MAPK10: variants seen among roughly 807,000 people sequenced by gnomAD.
The protein encoded by MAPK10 is JNK3 alpha protein kinase.
MAPK10 carries 25 observed loss-of-function variants against 59.3 expected under a neutral mutation model. The observed-to-expected ratio is 0.42, with a 90% CI of 0.31 to 0.59. The LOEUF is 0.59. Ranked by LOEUF, MAPK10 falls within the 20% of genes least tolerant of loss-of-function variation. The pLI, the probability that MAPK10 is intolerant of heterozygous loss-of-function variation, is 0.15. For missense variants in MAPK10, 351 were observed against 568.9 expected (o/e 0.62, Z 3.90); for synonymous variants, 190 against 200.5 (o/e 0.95, Z 0.44).
intron 12 of MAPK10, among the ~76,000 whole-genome samples, chr4:86,030,340 A>G (rs1165855893): frequency 6.6e-6 from 1 of 151,922 alleles, no homozygotes; most frequent in Non-Finnish European, 1.5e-5. Flanking sequence ...TTACATATAT[A>G]TATAGAGAGA....
At chr4:86,292,926 C>G (rs952297457) in intron 2 of MAPK10, among the ~76,000 whole-genome samples, 7 of 152,150 alleles carry the variant, frequency 4.6e-5, no homozygotes, top group Admixed American at 1.3e-4. Flanking sequence ...AGGCTACACC[C>G]CTCCTCTTAT....
At chr4:86,391,341 C>CA (rs1350735306) in intron 1 of MAPK10, among the ~76,000 whole-genome samples, 1 of 152,156 alleles carries the variant, frequency 6.6e-6, no homozygotes, top group Non-Finnish European at 1.5e-5. Context: ...CAAATGGAAA[C>CA]AAAATCCTTT....
intron 1 of MAPK10, among the ~76,000 whole-genome samples, chr4:86,396,494 ATTTTC>A (rs1462616543): frequency 2.0e-5 from 3 of 152,194 alleles, no homozygotes; most frequent in Non-Finnish European, 1.5e-5. Context: ...TACACTCTGT[ATTTTC>A]AGAACTTAGT....
At chr4:86,150,417 C>T in intron 4 of MAPK10, among the ~76,000 whole-genome samples, 1 of 152,020 alleles carries the variant, frequency 6.6e-6, no homozygotes, top group Admixed American at 6.5e-5. Context: ...ATCCATATAA[C>T]AAAAAAATCT....
chr4:86,058,292 G>C (rs1332022012), intron 11 of MAPK10, among the ~76,000 whole-genome samples: 1 of 149,594 alleles, frequency 6.7e-6, no homozygotes, highest in South Asian at 2.1e-4. Context: ...AATAAGGAAA[G>C]AATGACCTGG....
intron 1 of MAPK10, among the ~76,000 whole-genome samples, chr4:86,399,014 G>A (rs779816638): frequency 1.8e-4 from 28 of 152,126 alleles, no homozygotes; most frequent in Non-Finnish European, 3.8e-4. Context: ...CCGATGCTGG[G>A]CACCTGGGTT....
chr4:86,324,708 A>T (rs1441862353), intron 2 of MAPK10, among the ~76,000 whole-genome samples: 1 of 152,152 alleles, frequency 6.6e-6, no homozygotes, highest in East Asian at 1.9e-4. Flanking sequence ...CCATCGAATA[A>T]ATTCTATCAT....
rs532156536 is a variant in MAPK10 at position 86,292,582 on chromosome 4, C to T, written c.-7+61948G>A. On this transcript the variant is annotated intron_variant, in intron 2 of 13. Transcript: ENST00000641462. ...AAATAAAAATAAAAAATTAACTGGG[C>T]GTGATGGTGTCTGCCTGTAGTCCTA... Among the ~76,000 whole-genome samples, 566 of 152,076 alleles carry T rather than the reference C, an allele frequency of 3.7e-3. 3 individuals carry two copies. The highest frequency in any genetic ancestry group is 6.8e-3 in the Middle Eastern group (2 of 294).
intron 9 of MAPK10, among the ~76,000 whole-genome samples, chr4:86,072,320 C>T (rs2048210707): frequency 6.6e-6 from 1 of 152,230 alleles, no homozygotes; most frequent in Non-Finnish European, 1.5e-5. Flanking sequence ...TCTAGATATA[C>T]AATCATGTCG....
In MAPK10 at chr4:86,508,648, G is replaced by C. The variant is rs115213632; in HGVS notation, c.-263+85262C>G. On this transcript the variant is annotated intron_variant, in intron 1 of 4. Coordinates refer to the MAPK10 transcript ENST00000502302. ...CATTTTGGTTAGGTTATGTGTGTCT[G>C]TAAATGATTTGGCTCTTTTTCCCTT... is the stretch of plus-strand genomic sequence containing the variant. Among the ~76,000 whole-genome samples, 777 of 152,284 alleles carry C rather than the reference G, an allele frequency of 5.1e-3. 2 individuals are homozygous for C. The highest frequency in any genetic ancestry group is 0.029 in the South Asian group (142 of 4,824).
Position 86,011,765 on chromosome 4 carries a change from T to C in MAPK10, c.*5463A>G, listed in dbSNP as rs897169063. 1 of 152,186 alleles carries C rather than the reference T, an allele frequency of 6.6e-6. No homozygotes were observed. Among genetic ancestry groups the C allele is most frequent in the African/African-American group, 2.4e-5 (1 of 41,448 alleles). 9.4% of individuals were successfully genotyped at this position (152,186 alleles called of 1,614,324 possible). ...TTTCTATATTCCAACAGGAACTAGG[T>C]AAAACGATAAATGTGATAACTCAAA... On this transcript the variant is annotated 3_prime_UTR_variant, in exon 14 of 14. Transcript: ENST00000641462.
At chr4:86,329,543 G>A (rs1001967671) in intron 2 of MAPK10, among the ~76,000 whole-genome samples, 5 of 152,194 alleles carry the variant, frequency 3.3e-5, no homozygotes, top group Admixed American at 3.3e-4. Context: ...TTTATTATGG[G>A]CAAGGGCAAG....
At chr4:86,437,326 T>C (rs1748882816) in intron 1 of MAPK10, among the ~76,000 whole-genome samples, 1 of 152,160 alleles carries the variant, frequency 6.6e-6, no homozygotes, top group African/African-American at 2.4e-5. Flanking sequence ...TAAATCTTGA[T>C]GGGATATTAT....
In MAPK10 at chr4:86,514,374, A is replaced by T. The variant is rs144774436; in HGVS notation, c.-263+79536T>A. Among the ~76,000 whole-genome samples the T allele has an allele frequency of 4.1e-3, 624 of 152,294 alleles. 5 individuals carry two copies. Among genetic ancestry groups the T allele is most frequent in the African/African-American group, 0.014 (591 of 41,558 alleles). ...TAGCCAAAACTAATTATCACAAAAC[A>T]ATTATACAATTGTCATTTTTCCTTT... On this transcript the variant is annotated intron_variant, in intron 1 of 4. Transcript: ENST00000502302.
rs72865394 is a variant in MAPK10, at chr4:86,287,613, C to A, written c.-7+66917G>T. Among the ~76,000 whole-genome samples the A allele has an allele frequency of 7.6e-3, 1,162 of 152,270 alleles. 13 individuals are homozygous for A. The highest frequency in any genetic ancestry group is 0.026 in the African/African-American group (1,075 of 41,544). ...TATTGTCCCTATATGTTCTAAGCAT[C>A]ATGCAACTTTCATTGTTAAAATGCT... On this transcript the variant is annotated intron_variant, in intron 2 of 13. Transcript: ENST00000641462.
chr4:86,367,701 G>C (rs1738144916), intron 1 of MAPK10, among the ~76,000 whole-genome samples: 1 of 151,514 alleles, frequency 6.6e-6, no homozygotes, highest in Admixed American at 6.6e-5. Context: ...TGTGCAGCTA[G>C]TCCTGTGTCA....
At chr4:86,214,469 C>T (rs149306615) in intron 2 of MAPK10, among the ~76,000 whole-genome samples, 263 of 121,648 alleles carry the variant, frequency 2.2e-3, no homozygotes, top group Non-Finnish European at 3.5e-3. Flanking sequence ...TATTTGTTCA[C>T]AGATAATCTG....
At chr4:86,204,548 T>C (rs1448821570) in intron 2 of MAPK10, among the ~76,000 whole-genome samples, 1 of 151,962 alleles carries the variant, frequency 6.6e-6, no homozygotes, top group Non-Finnish European at 1.5e-5. Flanking sequence ...ATGGGAAGCA[T>C]AGACATAGAC....
chr4:86,592,513 C>A (rs986696275), intron 1 of MAPK10, among the ~76,000 whole-genome samples: 1 of 152,216 alleles, frequency 6.6e-6, no homozygotes, highest in Non-Finnish European at 1.5e-5. Flanking sequence ...TATTGCTTTT[C>A]TTTCCAATAA....
Sources: allele counts gnomAD v4.1 joint callset (sites outside exome capture counted in the v4.1 genomes callset), GRCh38; gene constraint gnomAD v4.1.1; transcripts MANE v1.5; gene names NCBI Gene and HGNC (gene_info 2026-07-23, HGNC 2026-07-21).